The following PTOV1 variants were observed in gnomAD, a reference collection of about 807,000 sequenced individuals.
The protein encoded by PTOV1 is prostate tumor-overexpressed gene 1 protein.
In PTOV1, 20 loss-of-function variants were observed where a neutral mutation model predicts 58.0. That is an observed-to-expected ratio of 0.34 (90% confidence interval 0.24 to 0.50). PTOV1 has a LOEUF of 0.50. Ranked by LOEUF, PTOV1 falls within the 20% of genes least tolerant of loss-of-function variation. The pLI, the probability that PTOV1 is intolerant of heterozygous loss-of-function variation, is 0.98. For missense variants in PTOV1, 593 were observed against 565.4 expected (o/e 1.05, Z -0.50); for synonymous variants, 335 against 234.2 (o/e 1.43, Z -3.93).
chr19:49,858,124 T>C lies in PTOV1; in HGVS notation c.936+10T>C. 2 of 1,612,110 alleles carry C rather than the reference T, an allele frequency of 1.2e-6. No homozygotes were observed. The highest frequency in any genetic ancestry group is 1.7e-6 in the Non-Finnish European group (2 of 1,179,650). On this transcript the variant is annotated intron_variant, in intron 9 of 11. Coordinates refer to ENST00000391842, the Ensembl canonical transcript of PTOV1. ...CCCGCAGCAGCTGCTGGTGAGGGGC[T>C]GGGGCCGGGTGCTGGAGCCTGCACG...
intron 9 of PTOV1, 83 bp downstream of exon 9, chr19:49,858,197 G>A: frequency 2.0e-6 from 3 of 1,509,116 alleles, no homozygotes; most frequent in Non-Finnish European, 2.7e-6. Flanking sequence ...CGCCTCCCCA[G>A]GTGGCCTGAG....
chr19:49,858,858 G>T, intron 10 of PTOV1: 1 of 541,084 alleles, frequency 1.8e-6, no homozygotes, highest in Non-Finnish European at 3.3e-6. Flanking sequence ...TTCTGCGGGG[G>T]CCTGCTCCTC....
At chr19:49,853,222 A>C (rs972775202) in intron 1 of PTOV1, 11 of 152,264 alleles carry the variant, frequency 7.2e-5, no homozygotes, top group African/African-American at 2.4e-4. Flanking sequence ...GTTTGTAATA[A>C]GATAAAAATA....
upstream of PTOV1, chr19:49,851,017 C>G: frequency 1.2e-5 from 18 of 1,530,242 alleles, no homozygotes; most frequent in Non-Finnish European, 1.4e-5. Flanking sequence ...TCCCAGGACT[C>G]CCCCGCGCCG....
Position 49,854,401 on chromosome 19 carries a change from T to C in PTOV1, c.172-5T>C, listed in dbSNP as rs768518553. 4.4e-6 allele frequency: 7 copies of C among 1,606,334 alleles called. No individual in the cohort carries two copies. The South Asian group carries it at 4.4e-5, about 10-fold the overall frequency. On this transcript the variant is annotated splice_polypyrimidine_tract_variant and splice_region_variant and intron_variant, in intron 1 of 11. Transcript: ENST00000391842. ...TTTTCCCACCTATCCCCCACTCCAT[T>C]GCAGGAAGGTGCTCGGGTCTTCGGG...
intron 1 of PTOV1, among the ~76,000 whole-genome samples, chr19:49,853,378 A>G (rs550305472): frequency 1.3e-5 from 2 of 152,002 alleles, no homozygotes; most frequent in Admixed American, 6.6e-5. Context: ...AAGTGAGGTC[A>G]GGCTTGGTGG....
At chr19:49,857,284 C>G in intron 6 of PTOV1, 154 bp downstream of exon 6, 1 of 1,111,434 alleles carries the variant, frequency 9.0e-7, no homozygotes. Context: ...GGGTTCCCAC[C>G]AGGGCTCCAT....
At position 49,858,189 on chromosome 19, in the gene PTOV1, C is replaced by A. The variant is rs552033852; in HGVS notation, c.936+75C>A. On this transcript the variant is annotated intron_variant, in intron 9 of 11. Transcript: ENST00000391842. ...GAGGGCGGGGCTGGGGGCAAGAGCG[C>A]CTCCCCAGGTGGCCTGAGCTGGCTG... 4.6e-5 allele frequency: 71 copies of A among 1,537,506 alleles called. No individual in the cohort carries two copies. The African/African-American group carries it at 8.6e-4, about 19-fold the overall frequency.
In PTOV1 at chr19:49,858,131, G is replaced by C. The variant is rs746174573; in HGVS notation, c.936+17G>C. On this transcript the variant is annotated intron_variant, in intron 9 of 11. Coordinates refer to ENST00000391842, the Ensembl canonical transcript of PTOV1. ...CAGCTGCTGGTGAGGGGCTGGGGCC[G>C]GGTGCTGGAGCCTGCACGCAGTAGC... is the stretch of plus-strand genomic sequence containing the variant. 3.1e-6 allele frequency: 5 copies of C among 1,610,952 alleles called. 1 individual carries two copies. The South Asian group carries it at 4.4e-5, about 14-fold the overall frequency.
At chr19:49,851,142 G>A (rs2074224636), upstream of PTOV1, 3 of 1,310,194 alleles carry the variant, frequency 2.3e-6, no homozygotes, top group African/African-American at 4.7e-5. Context: ...TACGCGCCGG[G>A]CTCCCCCGCT....
chr19:49,857,386 G>C (rs1289536943), intron 6 of PTOV1: 1 of 617,058 alleles, frequency 1.6e-6, no homozygotes, highest in African/African-American at 1.8e-5. Context: ...CTGGGCAGGG[G>C]TTGGGATCGT....
At chr19:49,851,217 C>T (rs1252040576) in exon 1 of PTOV1, 19 of 1,167,190 alleles carry the variant, frequency 1.6e-5, no homozygotes, top group Non-Finnish European at 2.0e-5. Flanking sequence ...TGGTACGGCT[C>T]AGCCCGTCTC....
rs546258154 is a variant in PTOV1, at chr19:49,857,215, C to T, written c.714+85C>T. 1,185 of 1,543,110 alleles carry T rather than the reference C, an allele frequency of 7.7e-4. 1 individual carries two copies. Among genetic ancestry groups the T allele is most frequent in the East Asian group, 1.2e-3 (55 of 44,420 alleles). ...GTTGGGCAGCCAGACTTGGTGTGGG[C>T]GGAGTGTGATGCGATGGCTGGAGCA... On this transcript the variant is annotated intron_variant, in intron 6 of 11. Transcript: ENST00000391842.
chr19:49,854,915 CA>C, intron 4 of PTOV1, 27 bp downstream of exon 4: 1 of 1,591,146 alleles, frequency 6.3e-7, no homozygotes, highest in Admixed American at 1.7e-5. Flanking sequence ...CCACCCCATC[CA>C]CTCTGAGCAC....
chr19:49,857,104 C>T (rs778639224), exon 6 of PTOV1: 22 of 1,613,950 alleles, frequency 1.4e-5, no homozygotes, highest in African/African-American at 4.0e-5. Flanking sequence ...CAGTGCCATC[C>T]GGCAGGTCAT....
At chr19:49,854,532 G>A in exon 2 of PTOV1, 1 of 1,612,966 alleles carries the variant, frequency 6.2e-7, no homozygotes, top group Non-Finnish European at 8.5e-7. Context: ...CGGCGTCCTC[G>A]AGTGGCAGGA....
At chr19:49,860,075 C>A (rs752506732) in exon 11 of PTOV1, 7 of 1,614,106 alleles carry the variant, frequency 4.3e-6, no homozygotes, top group Middle Eastern at 1.6e-4. Context: ...TCTTCATTGG[C>A]CTCATCCCCC....
At chr19:49,856,664 T>C (rs1468279564) in intron 5 of PTOV1, 2 of 375,492 alleles carry the variant, frequency 5.3e-6, no homozygotes, top group South Asian at 3.5e-5. Context: ...CCAGGCCAAG[T>C]CACCCCATCA....
intron 9 of PTOV1, 27 bp downstream of exon 9, chr19:49,858,141 G>A (rs2074564474): frequency 1.9e-6 from 3 of 1,609,574 alleles, no homozygotes; most frequent in Non-Finnish European, 2.5e-6. Context: ...GGGTGCTGGA[G>A]CCTGCACGCA....
Sources: gnomAD v4.1 joint callset for allele counts (sites outside exome capture counted in the v4.1 genomes callset) on GRCh38, gnomAD v4.1.1 for gene constraint, MANE v1.5 for transcripts, NCBI Gene and HGNC (gene_info 2026-07-23, HGNC 2026-07-21) for gene names.